The following SNX27 variants were observed in gnomAD, a reference collection of about 807,000 sequenced individuals.
The protein encoded by SNX27 is sorting nexin 27.
In SNX27, 22 loss-of-function variants were observed where a neutral mutation model predicts 71.6. The observed-to-expected ratio is 0.31, with a 90% CI of 0.22 to 0.44. The LOEUF is 0.44. Ranked by LOEUF, SNX27 falls within the 20% of genes least tolerant of loss-of-function variation. The pLI is 1.00. For synonymous variants in SNX27, 269 were observed against 277.2 expected, an observed-to-expected ratio of 0.97 and a Z score of 0.29; for missense variants, 531 against 698.6, an observed-to-expected ratio of 0.76 and a Z score of 2.70.
At chr1:151,616,964 G>T (rs925553437) in intron 1 of SNX27, among the ~76,000 whole-genome samples, 5 of 152,090 alleles carry the variant, frequency 3.3e-5, no homozygotes, top group African/African-American at 9.7e-5. Context: ...CATGCCCAGG[G>T]TGATGCAGTA....
intron 1 of SNX27, among the ~76,000 whole-genome samples, chr1:151,630,752 G>A (rs1437957738): frequency 6.6e-5 from 10 of 152,126 alleles, no homozygotes; most frequent in Non-Finnish European, 1.5e-4. Context: ...AATATTCTTC[G>A]GCCGGGCACG....
At chr1:151,683,563 A>AGGAGGG (rs1205777566) in intron 8 of SNX27, 118 bp downstream of exon 8, 144 of 648,264 alleles carry the variant, frequency 2.2e-4, no homozygotes, top group Non-Finnish European at 3.3e-5. Context: ...ATTTTAAAAA[A>AGGAGGG]GGAGGGGAAT....
chr1:151,658,649 A>T (rs957450184), intron 3 of SNX27, among the ~76,000 whole-genome samples: 1 of 151,972 alleles, frequency 6.6e-6, no homozygotes, highest in African/African-American at 2.4e-5. Context: ...AACAACAGAA[A>T]AATGAATATT....
At chr1:151,643,207 G>A (rs1017181907) in intron 2 of SNX27, among the ~76,000 whole-genome samples, 11 of 147,582 alleles carry the variant, frequency 7.5e-5, no homozygotes, top group African/African-American at 2.3e-4. Context: ...CAAGTGATCC[G>A]CCCGCCTCGG....
chr1:151,617,635 G>T (rs1314472806), intron 1 of SNX27, among the ~76,000 whole-genome samples: 1 of 152,208 alleles, frequency 6.6e-6, no homozygotes, highest in Non-Finnish European at 1.5e-5. Flanking sequence ...GAGATAGGAA[G>T]ATTATAAGCT....
chr1:151,693,558 A>G, intron 11 of SNX27, 75 bp downstream of exon 11: 1 of 1,612,742 alleles, frequency 6.2e-7, no homozygotes, highest in Non-Finnish European at 8.5e-7. Flanking sequence ...GTGGCCAAAT[A>G]CCTGGGACCC....
In SNX27 at chr1:151,658,266, T is replaced by A. The variant is rs1208840156; in HGVS notation, c.575T>A (p.Leu192Gln). The change falls in exon 3 of 12, where the codon CTG becomes CAG. Residue 192 changes from leucine to glutamine, a missense_variant. Leu to Gln is a moderately radical substitution (Grantham distance 113, BLOSUM62 -2). Coordinates refer to ENST00000458013, the MANE Select transcript of SNX27 (RefSeq NM_001330723.2). ...VYNVYMAGRQ[L>Q]CSKRYREFAI... ...AATGTTTACATGGCAGGGAGGCAGC[T>A]GTGTTCTAAGCGGTACCGGGAGTTT... is the stretch of plus-strand genomic sequence containing the variant. 3 of 1,613,158 alleles carry A rather than the reference T, an allele frequency of 1.9e-6. No individual in the cohort carries two copies.
At chr1:151,641,846 GAT>G (rs1214058676) in intron 2 of SNX27, among the ~76,000 whole-genome samples, 11 of 135,142 alleles carry the variant, frequency 8.1e-5, no homozygotes, top group African/African-American at 2.8e-4. Context: ...ATATATATGA[GAT>G]ATATATATCA....
intron 4 of SNX27, among the ~76,000 whole-genome samples, 168 bp from the exon 5 acceptor site, chr1:151,661,998 C>A (rs1162291514): frequency 6.6e-6 from 1 of 152,042 alleles, no homozygotes; most frequent in Non-Finnish European, 1.5e-5. Flanking sequence ...ACTTCTGCTG[C>A]AGCCCTGAAG....
intron 7 of SNX27, among the ~76,000 whole-genome samples, chr1:151,682,710 G>A (rs1671021818): frequency 1.3e-5 from 2 of 152,158 alleles, no homozygotes; most frequent in Admixed American, 6.5e-5. Flanking sequence ...GAGAGAGAGA[G>A]CACATGCAGG....
At chr1:151,652,991 G>C (rs114185201) in intron 2 of SNX27, among the ~76,000 whole-genome samples, 2,750 of 146,842 alleles carry the variant, frequency 0.019, 71 homozygotes, top group African/African-American at 0.064. Context: ...ACAATGGCTC[G>C]ATCTTGGCCC....
intron 1 of SNX27, among the ~76,000 whole-genome samples, chr1:151,614,945 G>A (rs896781184): frequency 1.3e-5 from 2 of 152,054 alleles, no homozygotes; most frequent in African/African-American, 4.8e-5. Flanking sequence ...CCTTTATTGT[G>A]GCTTCTGCCC....
At position 151,688,917 on chromosome 1, in the gene SNX27, C is replaced by A. The variant is rs149201697; in HGVS notation, c.1240-3518C>A. ...CCCACTTAATGCTGATAAATACTGCCCAATCTGAGCTCTCTGAAAACCTTG... is the reference window on the plus strand; with the variant it reads ...CCCACTTAATGCTGATAAATACTGCACAATCTGAGCTCTCTGAAAACCTTG... On this transcript the variant is annotated intron_variant, in intron 8 of 11. Coordinates refer to ENST00000458013, the MANE Select transcript of SNX27 (RefSeq NM_001330723.2). 4.8e-3 allele frequency among the ~76,000 whole-genome samples: 735 copies of A among 152,132 alleles called. 7 individuals carry two copies. Among genetic ancestry groups the A allele is most frequent in the Middle Eastern group, 0.027 (8 of 292 alleles).
intron 11 of SNX27, 124 bp from the exon 12 acceptor site, chr1:151,694,246 C>T (rs894682545): frequency 6.0e-5 from 88 of 1,474,510 alleles, no homozygotes; most frequent in Non-Finnish European, 7.3e-5. Context: ...GAAGTTATAT[C>T]AAGAAAGATG....
intron 2 of SNX27, among the ~76,000 whole-genome samples, chr1:151,644,518 A>G (rs948145310): frequency 6.6e-6 from 1 of 152,162 alleles, no homozygotes; most frequent in Non-Finnish European, 1.5e-5. Context: ...CCATTCTTCA[A>G]TTGATGGACA....
intron 7 of SNX27, chr1:151,668,992 G>T: frequency 6.3e-6 from 1 of 159,202 alleles, no homozygotes; most frequent in Non-Finnish European, 1.4e-5. Flanking sequence ...AACAGTAGTT[G>T]CCCCTACTTA....
rs935715430 is a variant in SNX27, at chr1:151,695,654, GC to G, written c.*1239del. 2.6e-5 allele frequency: 4 copies of G among 152,092 alleles called. No individual in the cohort carries two copies. The highest frequency in any genetic ancestry group is 9.7e-5 in the African/African-American group (4 of 41,302). 9.4% of individuals were successfully genotyped at this position (152,092 alleles called of 1,614,324 possible). A position where few individuals can be genotyped will look rare whatever the true frequency, so the allele number is the denominator to read the frequency against. On this transcript the variant is annotated 3_prime_UTR_variant, in exon 12 of 12. Transcript: ENST00000458013. ...TGCCCAGGCTGGTCTCAAACTCCTG[GC>G]CTCAGGTGATCCTCTTGTCTCAGCC...
At chr1:151,613,759 T>C (rs1433550534) in intron 1 of SNX27, among the ~76,000 whole-genome samples, 1 of 152,176 alleles carries the variant, frequency 6.6e-6, no homozygotes, top group East Asian at 1.9e-4. Context: ...GTACTTCGTA[T>C]TGAAATTCGG....
At position 151,692,432 on chromosome 1, in the gene SNX27, T is replaced by TTTTTATTA; in HGVS notation, c.1240-3_1240-2insTTTTATTA. On this transcript the variant is annotated splice_polypyrimidine_tract_variant and splice_region_variant and intron_variant, in intron 8 of 11. Transcript: ENST00000458013. ...TTTTTTTTTTTTTTTTTTTTTTTTT[T>TTTTTATTA]AGTACCTCAACATGCTAAGGACTTG... The TTTTTATTA allele has an allele frequency of 1.4e-6, 2 of 1,452,072 alleles. No individual in the cohort carries two copies. Among genetic ancestry groups the TTTTTATTA allele is most frequent in the Non-Finnish European group, 1.8e-6 (2 of 1,101,930 alleles). The allele number at this position is 1,452,072 out of a possible 1,614,324, so 89.9% of individuals were successfully genotyped here. A position where few individuals can be genotyped will look rare whatever the true frequency, so the allele number is the denominator to read the frequency against.
Sources: allele counts gnomAD v4.1 joint callset (sites outside exome capture counted in the v4.1 genomes callset), GRCh38; gene constraint gnomAD v4.1.1; transcripts MANE v1.5; gene names NCBI Gene and HGNC (gene_info 2026-07-23, HGNC 2026-07-21).